SUPT3H: variants seen among roughly 807,000 people sequenced by gnomAD.
SUPT3H encodes the protein transcription initiation protein SPT3 homolog.
SUPT3H carries 44 observed loss-of-function variants against 44.3 expected under a neutral mutation model. That is an observed-to-expected ratio of 0.99 (90% CI 0.78 to 1.28). The LOEUF is 1.28. Among genes scored for constraint, SUPT3H ranks in the 50% most tolerant of loss-of-function variants. The probability of loss-of-function intolerance (pLI) is 0.00; values close to 1 mark genes in which losing one functional copy is unlikely to be tolerated. For missense variants in SUPT3H, 380 were observed against 387.1 expected (o/e 0.98, Z 0.15); for synonymous variants, 124 against 125.6 (o/e 0.99, Z 0.09).
chr6:45,263,444 A>T (rs1774724351), intron 2 of SUPT3H, among the ~76,000 whole-genome samples: 1 of 152,178 alleles, frequency 6.6e-6, no homozygotes, highest in African/African-American at 2.4e-5. Context: ...GCAGACATGG[A>T]TATAAAGATG....
At chr6:45,017,118 T>G (rs1302475629) in intron 4 of SUPT3H, among the ~76,000 whole-genome samples, 1 of 151,492 alleles carries the variant, frequency 6.6e-6, no homozygotes, top group Admixed American at 6.6e-5. Context: ...TTTTTTCATG[T>G]GTCTTTTGGC....
chr6:45,054,610 G>A (rs575801427), intron 3 of SUPT3H, among the ~76,000 whole-genome samples: 1 of 152,184 alleles, frequency 6.6e-6, no homozygotes, highest in East Asian at 1.9e-4. Flanking sequence ...TGCAATAAGT[G>A]AGGAAAAGAT....
At chr6:45,212,950 C>T (rs1764376988) in intron 2 of SUPT3H, among the ~76,000 whole-genome samples, 1 of 152,112 alleles carries the variant, frequency 6.6e-6, no homozygotes, top group African/African-American at 2.4e-5. Context: ...GATGACAAAA[C>T]CCAAATACCA....
chr6:45,084,731 A>C (rs539608367), intron 3 of SUPT3H, among the ~76,000 whole-genome samples: 1 of 152,324 alleles, frequency 6.6e-6, no homozygotes, highest in African/African-American at 2.4e-5. Context: ...TCAACAGTAT[A>C]TTGGATAAAG....
At chr6:44,967,568 C>CT (rs969432597) in intron 6 of SUPT3H, among the ~76,000 whole-genome samples, 2 of 152,180 alleles carry the variant, frequency 1.3e-5, no homozygotes, top group Non-Finnish European at 2.9e-5. Flanking sequence ...GTCTATACCA[C>CT]TTTGAGGTGT....
At chr6:45,125,898 A>T (rs569852118) in intron 2 of SUPT3H, among the ~76,000 whole-genome samples, 23 of 152,024 alleles carry the variant, frequency 1.5e-4, no homozygotes, top group Non-Finnish European at 2.9e-4. Context: ...ATTACTCTTT[A>T]CACTAAAAGT....
intron 2 of SUPT3H, among the ~76,000 whole-genome samples, chr6:45,193,639 C>G (rs919024167): frequency 6.6e-6 from 1 of 152,044 alleles, no homozygotes. Flanking sequence ...TCGCTTGAAC[C>G]CGGGAGGCAG....
At chr6:44,999,294 A>G (rs1037509041) in intron 6 of SUPT3H, among the ~76,000 whole-genome samples, 1 of 152,012 alleles carries the variant, frequency 6.6e-6, no homozygotes, top group African/African-American at 2.4e-5. Context: ...TTTAACAGAC[A>G]AGGTCTTGCT....
intron 2 of SUPT3H, among the ~76,000 whole-genome samples, chr6:45,106,638 G>T (rs1583572042): frequency 6.6e-6 from 1 of 152,102 alleles, no homozygotes; most frequent in East Asian, 1.9e-4. Flanking sequence ...CCGGGTTCAA[G>T]CAATTCTCCT....
At chr6:45,335,313 T>C (rs1335450015) in intron 2 of SUPT3H, among the ~76,000 whole-genome samples, 3 of 151,398 alleles carry the variant, frequency 2.0e-5, no homozygotes, top group East Asian at 3.9e-4. Flanking sequence ...GTGAATTTAC[T>C]TTGAAGCTTA....
intron 3 of SUPT3H, among the ~76,000 whole-genome samples, chr6:45,027,716 G>T (rs981750976): frequency 6.6e-6 from 1 of 152,166 alleles, no homozygotes; most frequent in Admixed American, 6.5e-5. Context: ...TTCTGAGAAA[G>T]GGTGCAAGGG....
chr6:45,318,170 T>C (rs1257296245), intron 2 of SUPT3H, among the ~76,000 whole-genome samples: 14 of 152,084 alleles, frequency 9.2e-5, no homozygotes, highest in Admixed American at 9.2e-4. Context: ...GTTAAGATAG[T>C]AAATTTATGT....
chr6:45,032,171 T>C (rs1787039152), intron 3 of SUPT3H, among the ~76,000 whole-genome samples: 1 of 152,196 alleles, frequency 6.6e-6, no homozygotes, highest in Non-Finnish European at 1.5e-5. Context: ...TCAAATTCTG[T>C]ATCCAAAGAT....
chr6:45,036,910 C>A (rs1787760621), intron 3 of SUPT3H, among the ~76,000 whole-genome samples: 1 of 151,966 alleles, frequency 6.6e-6, no homozygotes, highest in Non-Finnish European at 1.5e-5. Context: ...GGGTAGATCC[C>A]AGGATGGATG....
chr6:45,133,503 G>A (rs1306076884), intron 2 of SUPT3H, among the ~76,000 whole-genome samples: 2 of 152,102 alleles, frequency 1.3e-5, no homozygotes, highest in African/African-American at 2.4e-5. Context: ...TGCTTGATGG[G>A]AGGACAACAA....
At chr6:44,941,594 G>A (rs1196723473) in intron 9 of SUPT3H, among the ~76,000 whole-genome samples, 14 of 152,056 alleles carry the variant, frequency 9.2e-5, no homozygotes, top group Admixed American at 7.2e-4. Context: ...AAATAATAGA[G>A]GTTCACTAAA....
At chr6:45,320,516 T>G (rs1318729561) in intron 2 of SUPT3H, among the ~76,000 whole-genome samples, 1 of 151,828 alleles carries the variant, frequency 6.6e-6, no homozygotes, top group Non-Finnish European at 1.5e-5. Flanking sequence ...TGGGGACAAG[T>G]GATCCTCCCA....
intron 2 of SUPT3H, among the ~76,000 whole-genome samples, chr6:45,270,895 C>T (rs1776020033): frequency 6.6e-6 from 1 of 152,150 alleles, no homozygotes; most frequent in South Asian, 2.1e-4. Context: ...CTGAAGTGGT[C>T]TCAGATGGAG....
chr6:45,376,873 ATATACT>A (rs1244674733), intron 1 of SUPT3H, among the ~76,000 whole-genome samples: 2 of 152,206 alleles, frequency 1.3e-5, no homozygotes, highest in South Asian at 2.1e-4. Context: ...ATACACATAC[ATATACT>A]TATATACACA....
Sources: gnomAD v4.1 joint callset for allele counts (sites outside exome capture counted in the v4.1 genomes callset) on GRCh38, gnomAD v4.1.1 for gene constraint, MANE v1.5 for transcripts, NCBI Gene and HGNC (gene_info 2026-07-23, HGNC 2026-07-21) for gene names.